Variants in GPR158 observed in about 807,000 individuals in gnomAD.
GPR158 encodes metabotropic glycine receptor.
GPR158 carries 30 observed loss-of-function variants against 78.2 expected under a neutral mutation model. The observed-to-expected ratio is 0.38, with a 90% CI of 0.29 to 0.52. The LOEUF (loss-of-function observed/expected upper bound fraction) is 0.52. Among genes scored for constraint, GPR158 ranks in the 20% least tolerant of loss-of-function variants. GPR158 has a pLI of 0.83. For missense variants in GPR158, 1,463 were observed against 1,523.5 expected (o/e 0.96, Z 0.66); for synonymous variants, 581 against 591.1 (o/e 0.98, Z 0.25).
chr10:25,459,144 T>C (rs1835326115), intron 4 of GPR158, among the ~76,000 whole-genome samples: 1 of 152,196 alleles, frequency 6.6e-6, no homozygotes, highest in South Asian at 2.1e-4. Flanking sequence ...TACATCTTTT[T>C]TTCCAATCCA....
At chr10:25,251,453 G>C (rs1372264649) in intron 2 of GPR158, among the ~76,000 whole-genome samples, 3 of 151,836 alleles carry the variant, frequency 2.0e-5, no homozygotes, top group African/African-American at 7.3e-5. Context: ...GGCTGGTACT[G>C]GTTGTTCCTT....
rs1837438960 is a variant in GPR158 at position 25,598,276 on chromosome 10, A to T, written c.2650A>T (p.Asn884Tyr). Residue 884 changes from asparagine to tyrosine, a missense_variant, in exon 11 of 11, where the codon AAC (asparagine) becomes TAC (tyrosine). Asn to Tyr is a moderately radical substitution (Grantham distance 143, BLOSUM62 -2). Coordinates refer to ENST00000376351, the MANE Select transcript of GPR158 (RefSeq NM_020752.3). ...PLVCKSASAH[N>Y]LSSEKKTGHP... ...GGTGTGCAAGTCAGCAAGCGCTCAC[A>T]ACCTCAGCTCAGAGAAGAAAACTGG... 6.2e-7 allele frequency: 1 copy of T among 1,614,090 alleles called. No homozygotes were observed. The highest frequency in any genetic ancestry group is 1.3e-5 in the African/African-American group (1 of 75,016).
At chr10:25,489,061 T>G (rs763135194) in intron 5 of GPR158, among the ~76,000 whole-genome samples, 1 of 152,158 alleles carries the variant, frequency 6.6e-6, no homozygotes, top group Non-Finnish European at 1.5e-5. Flanking sequence ...TAGAATTTCT[T>G]TGAAGTCAGG....
intron 5 of GPR158, among the ~76,000 whole-genome samples, chr10:25,483,601 G>A (rs761267838): frequency 6.6e-6 from 1 of 151,814 alleles, no homozygotes; most frequent in Non-Finnish European, 1.5e-5. Flanking sequence ...CACCTCACCC[G>A]AGAATTTAAA....
chr10:25,197,385 A>C (rs191848179), intron 1 of GPR158, among the ~76,000 whole-genome samples: 1 of 152,264 alleles, frequency 6.6e-6, no homozygotes, highest in East Asian at 1.9e-4. Flanking sequence ...AGGATGTTTT[A>C]AGGGTGTCTA....
intron 2 of GPR158, among the ~76,000 whole-genome samples, chr10:25,266,114 T>A (rs1270966629): frequency 6.6e-6 from 1 of 152,174 alleles, no homozygotes; most frequent in African/African-American, 2.4e-5. Flanking sequence ...TCCTAGTTAA[T>A]CCCTGTAGCC....
chr10:25,430,361 A>T (rs953717938), intron 4 of GPR158, among the ~76,000 whole-genome samples: 1 of 150,804 alleles, frequency 6.6e-6, no homozygotes, highest in Non-Finnish European at 1.5e-5. Context: ...GAAATAAAAG[A>T]GGATACAAAC....
intron 5 of GPR158, among the ~76,000 whole-genome samples, chr10:25,476,755 G>A (rs1835591850): frequency 6.6e-6 from 1 of 152,034 alleles, no homozygotes; most frequent in Non-Finnish European, 1.5e-5. Flanking sequence ...ATATGAATGT[G>A]ATACTCAAAT....
intron 4 of GPR158, among the ~76,000 whole-genome samples, chr10:25,422,850 A>AC (rs11424448): frequency 0.25 from 32,651 of 130,164 alleles, 4,694 homozygotes; most frequent in African/African-American, 0.38. Flanking sequence ...TTATTCCCTT[A>AC]CCCCCCCCAC....
chr10:25,573,613 C>T (rs772955871), intron 7 of GPR158, among the ~76,000 whole-genome samples: 10 of 152,282 alleles, frequency 6.6e-5, no homozygotes, highest in Non-Finnish European at 8.8e-5. Flanking sequence ...TTTTAAACTA[C>T]GTCCCTAAAC....
chr10:25,200,868 G>GTTTTTTTTTTTTTTTTTT (rs56696555), intron 1 of GPR158, among the ~76,000 whole-genome samples: 6 of 113,324 alleles, frequency 5.3e-5, no homozygotes, highest in Non-Finnish European at 9.8e-5. Context: ...TTTTTGTTTT[G>GTTTTTTTTTTTTTTTTTT]TTTTTTTTTT....
intron 4 of GPR158, among the ~76,000 whole-genome samples, chr10:25,417,943 T>G (rs568229417): frequency 6.6e-6 from 1 of 152,306 alleles, no homozygotes; most frequent in East Asian, 1.9e-4. Flanking sequence ...GCACCGTATG[T>G]CATTGAGGGC....
rs561751232 is a variant in GPR158 at position 25,187,567 on chromosome 10, C to T, written c.902+11245C>T. Among the ~76,000 whole-genome samples the T allele has an allele frequency of 9.5e-3, 1,438 of 152,112 alleles. 21 individuals carry two copies. Among genetic ancestry groups the T allele is most frequent in the African/African-American group, 0.03 (1,227 of 41,498 alleles). On this transcript the variant is annotated intron_variant, in intron 1 of 10. Coordinates refer to ENST00000376351, the MANE Select transcript of GPR158 (RefSeq NM_020752.3). ...TCTCAATAGATGCAGAAAAGGCCTT[C>T]GACAAAATTCAACAGCCCTTCATGC...
intron 2 of GPR158, among the ~76,000 whole-genome samples, chr10:25,287,751 TC>T (rs1233713266): frequency 6.6e-6 from 1 of 152,174 alleles, no homozygotes; most frequent in Non-Finnish European, 1.5e-5. Context: ...CTCTACCACC[TC>T]AGCTCTCTGA....
chr10:25,186,131 A>G (rs1796858767), intron 1 of GPR158, among the ~76,000 whole-genome samples: 1 of 152,238 alleles, frequency 6.6e-6, no homozygotes, highest in Non-Finnish European at 1.5e-5. Flanking sequence ...TACTGGGTAC[A>G]TAACGAAATG....
chr10:25,489,842 A>G (rs918638792), intron 5 of GPR158, among the ~76,000 whole-genome samples: 1 of 152,214 alleles, frequency 6.6e-6, no homozygotes, highest in African/African-American at 2.4e-5. Context: ...CTCATACCAT[A>G]CACACAGAGA....
intron 5 of GPR158, among the ~76,000 whole-genome samples, chr10:25,495,973 G>A (rs1002677891): frequency 2.6e-5 from 4 of 151,880 alleles, no homozygotes; most frequent in African/African-American, 4.8e-5. Context: ...TAACATCCCT[G>A]TTCTCAACCC....
In GPR158 at chr10:25,297,687, G is replaced by A. The variant is rs2807252; in HGVS notation, c.1008+76530G>A. Among the ~76,000 whole-genome samples, 1,341 of 152,252 alleles carry A rather than the reference G, an allele frequency of 8.8e-3. 9 individuals are homozygous for A. The highest frequency in any genetic ancestry group is 0.014 in the Non-Finnish European group (979 of 68,012). On this transcript the variant is annotated intron_variant, in intron 2 of 10. Coordinates refer to ENST00000376351, the MANE Select transcript of GPR158 (RefSeq NM_020752.3). ...CGCAGGTGAATCAGTTTAGTTACTA[G>A]GCAACATACTTATCAGTGGCTTGTG...
At chr10:25,398,766 G>T (rs1044124550) in intron 3 of GPR158, among the ~76,000 whole-genome samples, 3 of 152,182 alleles carry the variant, frequency 2.0e-5, no homozygotes, top group South Asian at 4.1e-4. Context: ...CTCTTTTCAG[G>T]AAGATGATGT....
Sources: allele counts gnomAD v4.1 joint callset (sites outside exome capture counted in the v4.1 genomes callset), GRCh38; gene constraint gnomAD v4.1.1; transcripts MANE v1.5; gene names NCBI Gene and HGNC (gene_info 2026-07-23, HGNC 2026-07-21).